Variants in ACVR1C observed in about 807,000 individuals in gnomAD.
ACVR1C encodes the protein activin A receptor type 1C.
A neutral mutation model predicts 57.9 loss-of-function variants in ACVR1C; 23 were observed. The ratio of observed to expected loss-of-function variants is 0.40; its 90% CI spans 0.29 to 0.56. The LOEUF (loss-of-function observed/expected upper bound fraction) is 0.56, where lower values mean the gene tolerates loss of function less well. ACVR1C is among the 20% of genes least tolerant of loss of function. ACVR1C has a pLI of 0.50. For missense variants in ACVR1C, 480 were observed against 607.9 expected, an observed-to-expected ratio of 0.79 and a Z score of 2.21; for synonymous variants, 214 against 215.3, an observed-to-expected ratio of 0.99 and a Z score of 0.05.
At chr2:157,551,353 A>G (rs1161124747) in intron 3 of ACVR1C, among the ~76,000 whole-genome samples, 1 of 152,232 alleles carries the variant, frequency 6.6e-6, no homozygotes, top group Non-Finnish European at 1.5e-5. Context: ...TTACATGTTC[A>G]ATAATGGTTA....
intron 1 of ACVR1C, among the ~76,000 whole-genome samples, chr2:157,606,388 T>C (rs1448095881): frequency 4.0e-5 from 6 of 151,820 alleles, no homozygotes; most frequent in East Asian, 1.9e-4. Context: ...TTGTTTTCCA[T>C]AGTGATTGTA....
intron 1 of ACVR1C, among the ~76,000 whole-genome samples, chr2:157,592,834 T>A (rs1251747769): frequency 1.3e-5 from 2 of 152,156 alleles, no homozygotes; most frequent in Non-Finnish European, 1.5e-5. Flanking sequence ...CAATATTCTG[T>A]GACAGAACAA....
At chr2:157,622,809 G>A (rs1047734866) in intron 1 of ACVR1C, among the ~76,000 whole-genome samples, 6 of 151,992 alleles carry the variant, frequency 3.9e-5, no homozygotes, top group Non-Finnish European at 1.5e-5. Context: ...AATCAACAAA[G>A]TGAAAAGACA....
intron 1 of ACVR1C, among the ~76,000 whole-genome samples, chr2:157,590,050 AC>A (rs1210782184): frequency 1.3e-5 from 2 of 151,796 alleles, no homozygotes; most frequent in East Asian, 3.8e-4. Context: ...TAAAGACTTA[AC>A]TCAAAGCCCT....
At chr2:157,551,190 C>T (rs564650956) in intron 3 of ACVR1C, among the ~76,000 whole-genome samples, 1 of 152,304 alleles carries the variant, frequency 6.6e-6, no homozygotes, top group Admixed American at 6.5e-5. Context: ...CAGATTTCAG[C>T]TCTGCCACCT....
chr2:157,594,972 A>T (rs1453028318), intron 1 of ACVR1C, among the ~76,000 whole-genome samples: 3 of 152,212 alleles, frequency 2.0e-5, no homozygotes, highest in Non-Finnish European at 2.9e-5. Flanking sequence ...CAATTTAAAA[A>T]CTTAACAGGA....
At chr2:157,554,283 G>GAAAGAA (rs1553481404) in intron 3 of ACVR1C, among the ~76,000 whole-genome samples, 2 of 109,954 alleles carry the variant, frequency 1.8e-5, no homozygotes, top group African/African-American at 4.6e-5. Context: ...AAGGAAGGAA[G>GAAAGAA]AGAGAGAGAG....
chr2:157,528,203 T>G lies in ACVR1C; in HGVS notation c.*5715A>C, dbSNP rs1034808440. 6.6e-6 allele frequency: 1 copy of G among 152,212 alleles called. No individual in the cohort carries two copies. Among genetic ancestry groups the G allele is most frequent in the East Asian group, 1.9e-4 (1 of 5,200 alleles). The allele number at this position is 152,212 out of a possible 1,614,324, so 9.4% of individuals were successfully genotyped here. ...TTGCAGTTGGATTTTAGCCCGCACC[T>G]GCCCCTCAGCTGGGAAGATTTATAT... On this transcript the variant is annotated 3_prime_UTR_variant, in exon 9 of 9. Transcript: ENST00000243349.
At chr2:157,586,378 G>A (rs1348487467) in intron 2 of ACVR1C, among the ~76,000 whole-genome samples, 1 of 152,064 alleles carries the variant, frequency 6.6e-6, no homozygotes, top group Non-Finnish European at 1.5e-5. Flanking sequence ...GCCTTAAAAT[G>A]TTAATTTGTA....
At chr2:157,625,363 G>A (rs1354572548) in intron 1 of ACVR1C, among the ~76,000 whole-genome samples, 1 of 152,144 alleles carries the variant, frequency 6.6e-6, no homozygotes, top group East Asian at 1.9e-4. Flanking sequence ...GCAATTCAGA[G>A]GAAATCTCTA....
intron 2 of ACVR1C, among the ~76,000 whole-genome samples, chr2:157,561,202 A>C (rs1050256901): frequency 2.0e-5 from 3 of 152,220 alleles, no homozygotes; most frequent in Admixed American, 1.3e-4. Context: ...TTTTATTAAT[A>C]GTTTTTCCCA....
In ACVR1C at chr2:157,599,314, C is replaced by CAAAAAA. The variant is rs60182304; in HGVS notation, c.74-11903_74-11898dup. Among the ~76,000 whole-genome samples the CAAAAAA allele has an allele frequency of 2.0e-4, 8 of 40,608 alleles. 1 individual carries two copies. The highest frequency in any genetic ancestry group is 5.3e-4 in the African/African-American group (5 of 9,516). The allele number at this position is 40,608 out of a possible 152,430, so 26.6% of individuals were successfully genotyped here. A position where few individuals can be genotyped will look rare whatever the true frequency, so the allele number is the denominator to read the frequency against. On this transcript the variant is annotated intron_variant, in intron 1 of 8. Coordinates refer to ENST00000243349, the MANE Select transcript of ACVR1C (RefSeq NM_145259.3). ...GCGCCACTGCACTACAGCCTGGGCT[C>CAAAAAA]AAAAAAAAAAAAAAAAAAAAAAAAA...
chr2:157,605,755 C>T (rs928824015), intron 1 of ACVR1C, among the ~76,000 whole-genome samples: 2 of 151,566 alleles, frequency 1.3e-5, no homozygotes, highest in Non-Finnish European at 3.0e-5. Context: ...ATAGTCAAGT[C>T]AGGGTATCTA....
At chr2:157,602,037 C>T (rs1048088092) in intron 1 of ACVR1C, among the ~76,000 whole-genome samples, 3 of 152,198 alleles carry the variant, frequency 2.0e-5, no homozygotes, top group Non-Finnish European at 2.9e-5. Context: ...TCACAACTTT[C>T]TGGTTCTGAT....
At chr2:157,589,337 T>C (rs1467335664) in intron 1 of ACVR1C, among the ~76,000 whole-genome samples, 1 of 152,140 alleles carries the variant, frequency 6.6e-6, no homozygotes, top group African/African-American at 2.4e-5. Flanking sequence ...TGTCTTCTTT[T>C]GAGAAGTGTT....
intron 1 of ACVR1C, among the ~76,000 whole-genome samples, chr2:157,615,421 T>C (rs1026528890): frequency 6.6e-6 from 1 of 151,738 alleles, no homozygotes; most frequent in Non-Finnish European, 1.5e-5. Flanking sequence ...GTCAGCCAGG[T>C]TGGAGAACAG....
At chr2:157,613,850 T>G (rs550228679) in intron 1 of ACVR1C, among the ~76,000 whole-genome samples, 1 of 152,276 alleles carries the variant, frequency 6.6e-6, no homozygotes, top group Admixed American at 6.5e-5. Flanking sequence ...CTAGTTTAGG[T>G]TTCACTGTAA....
chr2:157,598,608 C>T (rs995181262), intron 1 of ACVR1C, among the ~76,000 whole-genome samples: 1 of 150,474 alleles, frequency 6.6e-6, no homozygotes, highest in Non-Finnish European at 1.5e-5. Flanking sequence ...GGCACAACCT[C>T]GGCTCACTGC....
intron 3 of ACVR1C, among the ~76,000 whole-genome samples, chr2:157,554,201 GAGAAAGAAAGAAAGAAAGAAAGAAAGAA>G (rs70987797): frequency 1.4e-3 from 56 of 41,444 alleles, no homozygotes; most frequent in Middle Eastern, 0.012. Context: ...ATAAAGAAGA[GAGAAAGAAAGAAAGAAAGAAAGAAAGAA>G]AGAAAGAAAG....
Sources: gnomAD v4.1 joint callset for allele counts (sites outside exome capture counted in the v4.1 genomes callset) on GRCh38, gnomAD v4.1.1 for gene constraint, MANE v1.5 for transcripts, NCBI Gene and HGNC (gene_info 2026-07-23, HGNC 2026-07-21) for gene names.